ZFHX3: variants seen among roughly 807,000 people sequenced by gnomAD.
ZFHX3 encodes zinc finger homeobox 3.
In ZFHX3, 42 loss-of-function variants were observed where a neutral mutation model predicts 279.1. The observed-to-expected ratio is 0.15, with a 90% confidence interval of 0.12 to 0.19. The LOEUF is 0.19. Ranked by LOEUF, ZFHX3 falls within the 10% of genes least tolerant of loss-of-function variation. ZFHX3 has a pLI of 1.00. For synonymous variants in ZFHX3, 2,293 were observed against 1,957.8 expected (o/e 1.17, Z -4.52); for missense variants, 4,981 against 4,754.0 (o/e 1.05, Z -1.40).
At chr16:72,937,484 C>A (rs1960185903) in intron 3 of ZFHX3, among the ~76,000 whole-genome samples, 1 of 152,242 alleles carries the variant, frequency 6.6e-6, no homozygotes, top group Non-Finnish European at 1.5e-5. Context: ...AAAAGTGTCA[C>A]TTCTGGATCC....
intron 1 of ZFHX3, among the ~76,000 whole-genome samples, chr16:73,774,310 T>G (rs912155677): frequency 6.6e-6 from 1 of 152,158 alleles, no homozygotes; most frequent in Non-Finnish European, 1.5e-5. Flanking sequence ...TATAAGCTCA[T>G]TAGGTAGTTG....
intron 4 of ZFHX3, among the ~76,000 whole-genome samples, chr16:73,294,548 C>T (rs1357593588): frequency 1.3e-5 from 2 of 152,204 alleles, no homozygotes; most frequent in South Asian, 2.1e-4. Flanking sequence ...AGGTGGCTCA[C>T]GCCTGTAATC....
chr16:72,853,284 C>T (rs7185166), intron 4 of ZFHX3, among the ~76,000 whole-genome samples: 81,000 of 152,160 alleles, frequency 0.53, 21,814 homozygotes, highest in Middle Eastern at 0.61. Flanking sequence ...GTTCTTCTAC[C>T]ACCAAACACA....
chr16:73,008,802 G>A (rs1963806452), intron 1 of ZFHX3, among the ~76,000 whole-genome samples: 1 of 152,088 alleles, frequency 6.6e-6, no homozygotes, highest in Non-Finnish European at 1.5e-5. Flanking sequence ...TTGGCCCCAA[G>A]ATGATTACAT....
chr16:73,396,443 A>G (rs1446593940), intron 3 of ZFHX3, among the ~76,000 whole-genome samples: 3 of 151,994 alleles, frequency 2.0e-5, no homozygotes, highest in African/African-American at 7.2e-5. Flanking sequence ...TCATTCATTC[A>G]TTCAACACAT....
chr16:73,112,574 G>A (rs942003847), intron 7 of ZFHX3, among the ~76,000 whole-genome samples: 2 of 151,714 alleles, frequency 1.3e-5, no homozygotes, highest in Non-Finnish European at 2.9e-5. Flanking sequence ...TTAGCCGGGC[G>A]TGGTGGCACA....
intron 7 of ZFHX3, among the ~76,000 whole-genome samples, chr16:73,101,565 T>A (rs985954033): frequency 1.3e-4 from 20 of 148,672 alleles, no homozygotes; most frequent in African/African-American, 4.0e-4. Flanking sequence ...TTTTTTTAAA[T>A]TTTTTTTTTT....
At chr16:73,009,519 C>G (rs987559651) in intron 1 of ZFHX3, among the ~76,000 whole-genome samples, 21 of 151,832 alleles carry the variant, frequency 1.4e-4, no homozygotes, top group African/African-American at 5.1e-4. Flanking sequence ...AGTATACTAG[C>G]CTGAATATGG....
chr16:73,767,201 T>C (rs1281731376), intron 1 of ZFHX3, among the ~76,000 whole-genome samples: 2 of 152,186 alleles, frequency 1.3e-5, no homozygotes, highest in Admixed American at 1.3e-4. Context: ...CCTCCCAAAG[T>C]GCTGGGATCG....
Position 72,794,395 on chromosome 16 carries a change from C to G in ZFHX3, c.8287G>C (p.Asp2763His). The G allele has an allele frequency of 6.2e-7, 1 of 1,606,516 alleles. No individual in the cohort carries two copies. ...GAAAAGCTAGTTCCGTCAAAAATATCTCCTTTCATCTGGAGTCCCCCATCA... is the reference window on the plus strand; with the variant it reads ...GAAAAGCTAGTTCCGTCAAAAATATGTCCTTTCATCTGGAGTCCCCCATCA... ...DCDGGLQMKGDIFDGTSFSHL... is the reference protein window; with the variant it reads ...DCDGGLQMKGHIFDGTSFSHL... Residue 2763 changes from aspartate (D) to histidine (H), a missense_variant, in exon 9 of 10, where the codon GAT (aspartate) becomes CAT (histidine). Coordinates refer to ENST00000268489, the MANE Select transcript of ZFHX3 (RefSeq NM_006885.4). This position sits in a 1 kb window ranked among gnomAD's most constrained non-coding sequence, Gnocchi z 4.2.
intron 5 of ZFHX3, among the ~76,000 whole-genome samples, chr16:73,177,409 T>A (rs1341294223): frequency 6.6e-6 from 1 of 152,246 alleles, no homozygotes; most frequent in African/African-American, 2.4e-5. Context: ...GAGAAAATGT[T>A]TCTTTAATGT....
chr16:73,168,211 T>TTTTCTTCTTTCTTTC (rs1967423587), intron 5 of ZFHX3, among the ~76,000 whole-genome samples: 1 of 95,222 alleles, frequency 1.1e-5, no homozygotes, highest in Admixed American at 1.2e-4. Flanking sequence ...GTTTCTTTTG[T>TTTTCTTCTTTCTTTC]TTTCTTTCTT....
intron 3 of ZFHX3, among the ~76,000 whole-genome samples, chr16:72,949,318 G>C (rs74962174): frequency 1.3e-5 from 2 of 152,190 alleles, no homozygotes; most frequent in Non-Finnish European, 2.9e-5. Context: ...TGAAAGGCAG[G>C]AGGAGAGGCT....
rs146849013 is a variant in ZFHX3 at position 72,788,692 on chromosome 16, G to C, written c.9584C>G (p.Pro3195Arg). The change falls in exon 10 of 10, where the codon CCC becomes CGC. Residue 3195 changes from proline (P) to arginine (R), a missense_variant. By Grantham distance (103) the Pro-to-Arg change is moderately radical (BLOSUM62 -2). Around this residue, in one of 7 missense-constraint regions of ZFHX3, gnomAD observed 1,034 missense variants for 786.0 expected, o/e 1.32. Transcript: ENST00000268489. ...QATMAMGPQQ[P>R]PQQQQQQQQP... is the part of the protein sequence containing the mutation. ...CTGCTGCTGCTGCTGCTGCTGGGGG[G>C]GTTGCTGAGGGCCCATCGCCATCGT... The C allele has an allele frequency of 9.9e-5, 159 of 1,612,710 alleles. No homozygotes were observed. The highest frequency in any genetic ancestry group is 3.0e-4 in the Admixed American group (18 of 59,926).
chr16:73,600,404 C>T (rs1375306374), intron 2 of ZFHX3, among the ~76,000 whole-genome samples: 1 of 146,004 alleles, frequency 6.8e-6, no homozygotes, highest in African/African-American at 2.5e-5. Context: ...TGTGTATAGA[C>T]CTTGGTCTCT....
rs35306584 is a variant in ZFHX3 at position 73,500,663 on chromosome 16, T to TAA, written c.-1546-44407_-1546-44406dup. Among the ~76,000 whole-genome samples the TAA allele has an allele frequency of 6.5e-3, 463 of 71,516 alleles. 5 individuals are homozygous for TAA. Among genetic ancestry groups the TAA allele is most frequent in the Middle Eastern group, 0.034 (4 of 118 alleles). The allele number at this position is 71,516 out of a possible 152,430, so 46.9% of individuals were successfully genotyped here. A position where few individuals can be genotyped will look rare whatever the true frequency, so the allele number is the denominator to read the frequency against. ...TTTTATTTTAAAAAGTTTAAAGAGT[T>TAA]AAAAAAAAAAAAAAGAGTTTTAAAA... On this transcript the variant is annotated intron_variant, in intron 2 of 17. Coordinates refer to the ZFHX3 transcript ENST00000641206.
At chr16:73,320,240 T>G (rs1175330793) in intron 3 of ZFHX3, among the ~76,000 whole-genome samples, 2 of 152,204 alleles carry the variant, frequency 1.3e-5, no homozygotes, top group Non-Finnish European at 2.9e-5. Context: ...ATCAGACTAA[T>G]GACCCCTTAT....
chr16:73,105,386 C>CACACATATATATATAT (rs1567389797), intron 7 of ZFHX3, among the ~76,000 whole-genome samples: 2 of 118,704 alleles, frequency 1.7e-5, no homozygotes, highest in African/African-American at 9.5e-5. Flanking sequence ...TATATATACA[C>CACACATATATATATAT]ACACACACAT....
chr16:72,825,533 T>TC (rs931810721), intron 5 of ZFHX3, among the ~76,000 whole-genome samples: 3 of 152,212 alleles, frequency 2.0e-5, no homozygotes, highest in African/African-American at 7.2e-5. Context: ...TTCCTTTTTT[T>TC]CACATCATGG....
Sources: gnomAD v4.1 joint callset for allele counts (sites outside exome capture counted in the v4.1 genomes callset) on GRCh38, gnomAD v4.1.1 for gene constraint, gnomAD v4.1.1 regional missense constraint, Gnocchi (gnomAD v3.1) non-coding constraint, MANE v1.5 for transcripts, NCBI Gene and HGNC (gene_info 2026-07-23, HGNC 2026-07-21) for gene names.